ASXL3: variants seen among roughly 807,000 people sequenced by gnomAD.
The protein encoded by ASXL3 is putative Polycomb group protein ASXL3.
ASXL3 carries 34 observed loss-of-function variants against 170.6 expected under a neutral mutation model. The ratio of observed to expected loss-of-function variants is 0.20; its 90% CI spans 0.15 to 0.27. The LOEUF is 0.27. Ranked by LOEUF, ASXL3 falls within the 10% of genes least tolerant of loss-of-function variation. The probability of loss-of-function intolerance (pLI) is 1.00; values close to 1 mark genes in which losing one functional copy is unlikely to be tolerated. For missense variants in ASXL3, 2,592 were observed against 2,695.3 expected (o/e 0.96, Z 0.85); for synonymous variants, 1,002 against 989.1 (o/e 1.01, Z -0.24).
intron 1 of ASXL3, among the ~76,000 whole-genome samples, chr18:33,601,264 G>A (rs1306868753): frequency 6.6e-6 from 1 of 151,742 alleles, no homozygotes; most frequent in African/African-American, 2.4e-5. Flanking sequence ...GTTCAAAGGG[G>A]CCAGCTTTTT....
chr18:33,636,334 AGCAACAACAACAGCC>A (rs58327321), intron 2 of ASXL3, among the ~76,000 whole-genome samples: 61,797 of 127,040 alleles, frequency 0.49, 12,739 homozygotes, highest in East Asian at 0.59. Context: ...CAACAACAAC[AGCAACAACAACAGCC>A]ACAACAACAG....
intron 2 of ASXL3, chr18:33,626,995 G>T (rs1599413791): frequency 6.5e-6 from 1 of 152,940 alleles, no homozygotes; most frequent in South Asian, 2.1e-4. Context: ...TGGTCATGAG[G>T]TGATGCTGAA....
Position 33,739,326 on chromosome 18 carries a change from C to T in ASXL3, c.1922C>T (p.Thr641Ile). The T allele has an allele frequency of 6.2e-7, 1 of 1,613,518 alleles. No homozygotes were observed. The highest frequency in any genetic ancestry group is 1.7e-5 in the Admixed American group (1 of 59,904). Reference sequence around the variant, plus strand: ...CAGTCCACATCAGAAGAATCATGTACTCCAGCCTCCCTTGAGACAACATTT... The same window carrying T: ...CAGTCCACATCAGAAGAATCATGTATTCCAGCCTCCCTTGAGACAACATTT... Reference protein sequence around the residue: ...ETQSTSEESCTPASLETTFCS... With the variant: ...ETQSTSEESCIPASLETTFCS... The change falls in exon 11 of 12, where the codon ACT becomes ATT. Residue 641 changes from threonine (T) to isoleucine (I), a missense_variant. This residue lies in a region of ASXL3 where 2,246 missense variants were observed against 2,219.6 expected (regional missense o/e 1.01). Coordinates refer to ENST00000269197, the MANE Select transcript of ASXL3 (RefSeq NM_030632.3).
intron 8 of ASXL3, among the ~76,000 whole-genome samples, chr18:33,694,140 G>A (rs1282102355): frequency 6.6e-6 from 1 of 152,096 alleles, no homozygotes; most frequent in Non-Finnish European, 1.5e-5. Context: ...TAGCAGATAG[G>A]TAGAATTATA....
rs1299828394 is a variant in ASXL3 at position 33,739,319 on chromosome 18, T to G, written c.1915T>G (p.Ser639Ala). ...GGAAACACAGTCCACATCAGAAGAA[T>G]CATGTACTCCAGCCTCCCTTGAGAC... ...GGETQSTSEE[S>A]CTPASLETTF... The change falls in exon 11 of 12, where the codon TCA becomes GCA. Residue 639 changes from serine to alanine, a missense_variant. Around this residue, in one of 4 missense-constraint regions of ASXL3, gnomAD observed 2,246 missense variants for 2,219.6 expected, o/e 1.01. Transcript: ENST00000269197. 1 of 1,613,412 alleles carries G rather than the reference T, an allele frequency of 6.2e-7. No individual in the cohort carries two copies.
At chr18:33,585,097 C>T (rs1311778704) in intron 1 of ASXL3, among the ~76,000 whole-genome samples, 1 of 152,026 alleles carries the variant, frequency 6.6e-6, no homozygotes, top group Non-Finnish European at 1.5e-5. Flanking sequence ...GTCCCTTCCT[C>T]TCACTCTGTC....
intron 2 of ASXL3, among the ~76,000 whole-genome samples, chr18:33,618,130 G>A (rs1251658807): frequency 6.6e-6 from 1 of 152,052 alleles, no homozygotes; most frequent in Non-Finnish European, 1.5e-5. Context: ...TTTTTGTTGA[G>A]CCAGTTTTTC....
intron 7 of ASXL3, among the ~76,000 whole-genome samples, chr18:33,672,784 A>AT (rs911059098): frequency 7.9e-5 from 12 of 151,558 alleles, no homozygotes; most frequent in African/African-American, 1.5e-4. Context: ...ATTTTATCTG[A>AT]TTTTTTTTTA....
At chr18:33,660,678 A>G (rs2066158772) in intron 4 of ASXL3, among the ~76,000 whole-genome samples, 2 of 152,086 alleles carry the variant, frequency 1.3e-5, no homozygotes, top group South Asian at 4.1e-4. Context: ...GTCGCTAATC[A>G]TAGTACTTCC....
intron 2 of ASXL3, among the ~76,000 whole-genome samples, chr18:33,638,056 T>A (rs147834046): frequency 6.6e-6 from 1 of 151,884 alleles, no homozygotes; most frequent in Non-Finnish European, 1.5e-5. Context: ...TTCTTAATGA[T>A]CCAGTTTAAT....
intron 1 of ASXL3, among the ~76,000 whole-genome samples, chr18:33,585,342 C>T (rs746141799): frequency 4.0e-5 from 6 of 151,884 alleles, no homozygotes; most frequent in African/African-American, 7.3e-5. Context: ...CTAGCCCTGA[C>T]GGAAACTTTC....
At chr18:33,729,931 T>C (rs1400375668) in intron 8 of ASXL3, among the ~76,000 whole-genome samples, 1 of 152,118 alleles carries the variant, frequency 6.6e-6, no homozygotes, top group Non-Finnish European at 1.5e-5. Flanking sequence ...CCCTTCCCTA[T>C]TGCAGCAGTC....
At chr18:33,602,923 T>C (rs895060300) in intron 1 of ASXL3, among the ~76,000 whole-genome samples, 4 of 151,394 alleles carry the variant, frequency 2.6e-5, no homozygotes, top group Admixed American at 2.6e-4. Flanking sequence ...CAAAATCGTT[T>C]ACCTTGGACA....
At chr18:33,737,854 C>G (rs113213003) in intron 10 of ASXL3, among the ~76,000 whole-genome samples, 4,418 of 152,142 alleles carry the variant, frequency 0.029, 231 homozygotes, top group African/African-American at 0.1. Context: ...ATCTTCCGTT[C>G]ATCTTAATTT....
chr18:33,630,262 T>C (rs1381591759), intron 2 of ASXL3, among the ~76,000 whole-genome samples: 1 of 152,032 alleles, frequency 6.6e-6, no homozygotes, highest in Non-Finnish European at 1.5e-5. Context: ...AATTCGTCCT[T>C]TTGTAAAGTT....
intron 2 of ASXL3, among the ~76,000 whole-genome samples, chr18:33,626,194 A>G (rs2065600039): frequency 6.6e-6 from 1 of 152,110 alleles, no homozygotes; most frequent in Non-Finnish European, 1.5e-5. Flanking sequence ...CATTAAGGAG[A>G]AGGAAAATGG....
intron 11 of ASXL3, 120 bp from the exon 12 acceptor site, chr18:33,742,768 G>A: frequency 3.6e-6 from 5 of 1,380,782 alleles, no homozygotes; most frequent in Non-Finnish European, 3.8e-6. Context: ...TTTAGGTGTA[G>A]TTCATGGCAT....
rs148904826 is a variant in ASXL3, at chr18:33,724,186, CTAGA to C, written c.880-7777_880-7774del. Among the ~76,000 whole-genome samples the C allele has an allele frequency of 6.2e-3, 938 of 152,088 alleles. 12 individuals carry two copies. The highest frequency in any genetic ancestry group is 0.021 in the African/African-American group (852 of 41,502). ...CATTTTTTATTGAGTCCTCATATGA[CTAGA>C]TAGAGTCTTGATTACAGCATTATAA... On this transcript the variant is annotated intron_variant, in intron 8 of 11. Coordinates refer to ENST00000269197, the MANE Select transcript of ASXL3 (RefSeq NM_030632.3).
At chr18:33,610,671 A>G (rs1320049607) in intron 2 of ASXL3, among the ~76,000 whole-genome samples, 9 of 152,066 alleles carry the variant, frequency 5.9e-5, no homozygotes, top group Admixed American at 5.9e-4. Flanking sequence ...CTCTCGGCAG[A>G]TACTCAATAA....
Sources: gnomAD v4.1 joint callset for allele counts (sites outside exome capture counted in the v4.1 genomes callset) on GRCh38, gnomAD v4.1.1 for gene constraint, gnomAD v4.1.1 regional missense constraint, MANE v1.5 for transcripts, NCBI Gene and HGNC (gene_info 2026-07-23, HGNC 2026-07-21) for gene names.